ALK: variants seen among roughly 807,000 people sequenced by gnomAD.
ALK encodes the protein ALK receptor tyrosine kinase.
A neutral mutation model predicts 163.1 loss-of-function variants in ALK; 74 were observed. The observed-to-expected ratio is 0.45, with a 90% confidence interval of 0.38 to 0.55. The LOEUF (loss-of-function observed/expected upper bound fraction) is 0.55. Ranked by LOEUF, ALK falls within the 20% of genes least tolerant of loss-of-function variation. The pLI is 0.00. For synonymous variants in ALK, 960 were observed against 843.2 expected, an observed-to-expected ratio of 1.14 and a Z score of -2.40; for missense variants, 2,063 against 2,105.3, an observed-to-expected ratio of 0.98 and a Z score of 0.39.
intron 5 of ALK, among the ~76,000 whole-genome samples, chr2:29,332,425 C>T (rs1423106167): frequency 1.3e-5 from 2 of 151,188 alleles, no homozygotes; most frequent in Non-Finnish European, 2.9e-5. Context: ...ACACCAATCA[C>T]CTGTCATTCC....
chr2:29,792,727 G>A (rs950819882), intron 1 of ALK, among the ~76,000 whole-genome samples: 2 of 150,828 alleles, frequency 1.3e-5, no homozygotes, highest in African/African-American at 5.0e-5. Context: ...ACATTTTTTG[G>A]TTTTGGTGCA....
chr2:29,838,843 G>T (rs563009518), intron 1 of ALK, among the ~76,000 whole-genome samples: 1 of 152,284 alleles, frequency 6.6e-6, no homozygotes, highest in South Asian at 2.1e-4. Flanking sequence ...AGAGGGTTAT[G>T]CAGGTGCATG....
At chr2:29,911,085 G>C (rs1290458650) in intron 1 of ALK, among the ~76,000 whole-genome samples, 1 of 152,158 alleles carries the variant, frequency 6.6e-6, no homozygotes, top group African/African-American at 2.4e-5. Context: ...TTCATATGAA[G>C]GCAAGTCTTC....
chr2:29,831,405 T>C (rs567583552), intron 1 of ALK, among the ~76,000 whole-genome samples: 2 of 151,696 alleles, frequency 1.3e-5, no homozygotes, highest in Non-Finnish European at 2.9e-5. Flanking sequence ...TGGATATATA[T>C]TACACTTTGA....
chr2:29,317,287 T>C (rs1026179697), intron 8 of ALK, among the ~76,000 whole-genome samples: 1 of 152,244 alleles, frequency 6.6e-6, no homozygotes, highest in Non-Finnish European at 1.5e-5. Context: ...GAATTTCTCC[T>C]GTGAGTGTCC....
At chr2:29,424,640 CTTAA>C (rs1670093314) in intron 4 of ALK, among the ~76,000 whole-genome samples, 1 of 152,228 alleles carries the variant, frequency 6.6e-6, no homozygotes, top group East Asian at 1.9e-4. Context: ...TCCCTAAGAG[CTTAA>C]TTATTTGTAT....
At chr2:29,740,035 A>G (rs974349157) in intron 1 of ALK, among the ~76,000 whole-genome samples, 4 of 152,130 alleles carry the variant, frequency 2.6e-5, no homozygotes, top group Admixed American at 6.5e-5. Context: ...CATTCAATTC[A>G]ACAAACATTG....
At chr2:29,882,290 ACAAGT>A in intron 1 of ALK, among the ~76,000 whole-genome samples, 1 of 152,364 alleles carries the variant, frequency 6.6e-6, no homozygotes, top group Non-Finnish European at 1.5e-5. Flanking sequence ...CAAATTGCAA[ACAAGT>A]CATTTTTCTA....
intron 1 of ALK, among the ~76,000 whole-genome samples, chr2:29,798,639 A>G (rs1182744010): frequency 6.6e-6 from 1 of 152,238 alleles, no homozygotes; most frequent in Non-Finnish European, 1.5e-5. Context: ...GCCACATTCT[A>G]TATTTGCCAC....
intron 3 of ALK, among the ~76,000 whole-genome samples, chr2:29,658,912 G>A (rs539153096): frequency 6.6e-5 from 10 of 152,094 alleles, no homozygotes; most frequent in Non-Finnish European, 7.4e-5. Flanking sequence ...TGGGTGCTGT[G>A]ATTTTTAAAT....
intron 5 of ALK, among the ~76,000 whole-genome samples, chr2:29,347,406 G>A (rs762856046): frequency 1.4e-4 from 22 of 152,182 alleles, no homozygotes; most frequent in Non-Finnish European, 2.8e-4. Context: ...CACTGCACAG[G>A]ACCACTAAAT....
intron 4 of ALK, among the ~76,000 whole-genome samples, chr2:29,465,545 T>G (rs549052376): frequency 1.3e-5 from 2 of 152,010 alleles, no homozygotes; most frequent in South Asian, 2.1e-4. Context: ...AATATGAAAA[T>G]TAACTGGGCG....
At chr2:29,327,744 G>A (rs1228976437) in intron 6 of ALK, among the ~76,000 whole-genome samples, 1 of 152,186 alleles carries the variant, frequency 6.6e-6, no homozygotes, top group Non-Finnish European at 1.5e-5. Context: ...AAAAGTAATG[G>A]CAATGATGAT....
At chr2:29,258,064 C>G (rs1034218116) in intron 11 of ALK, among the ~76,000 whole-genome samples, 2 of 152,174 alleles carry the variant, frequency 1.3e-5, no homozygotes, top group African/African-American at 2.4e-5. Flanking sequence ...GTCTTGAACT[C>G]ATGGGCTCAA....
At chr2:29,645,865 T>C (rs1188345576) in intron 3 of ALK, among the ~76,000 whole-genome samples, 2 of 152,182 alleles carry the variant, frequency 1.3e-5, no homozygotes, top group East Asian at 1.9e-4. Context: ...ATTTACTAGT[T>C]CCTTCTCATC....
intron 1 of ALK, among the ~76,000 whole-genome samples, chr2:29,889,997 G>A (rs532817513): frequency 6.6e-6 from 1 of 152,266 alleles, no homozygotes; most frequent in East Asian, 1.9e-4. Flanking sequence ...TGTACATCCA[G>A]AGGTTTCCAG....
intron 8 of ALK, among the ~76,000 whole-genome samples, chr2:29,297,839 C>CT (rs1666243014): frequency 7.6e-6 from 1 of 131,800 alleles, no homozygotes; most frequent in Non-Finnish European, 1.7e-5. Context: ...AACAAGGTTT[C>CT]TGGTCTTTGT....
intron 11 of ALK, among the ~76,000 whole-genome samples, chr2:29,252,617 G>A (rs1225518168): frequency 6.6e-6 from 1 of 152,180 alleles, no homozygotes; most frequent in Non-Finnish European, 1.5e-5. Flanking sequence ...GAGGCTGGGA[G>A]GTGGAAGTTC....
intron 4 of ALK, among the ~76,000 whole-genome samples, chr2:29,502,208 C>G (rs763435345): frequency 6.6e-6 from 1 of 152,150 alleles, no homozygotes; most frequent in South Asian, 2.1e-4. Context: ...CCCTTAGTAA[C>G]GAATTTGAGT....
Sources: gnomAD v4.1 joint callset for allele counts (sites outside exome capture counted in the v4.1 genomes callset) on GRCh38, gnomAD v4.1.1 for gene constraint, MANE v1.5 for transcripts, NCBI Gene and HGNC (gene_info 2026-07-23, HGNC 2026-07-21) for gene names.